KRT32: variants seen among roughly 807,000 people sequenced by gnomAD.
KRT32 encodes keratin 32.
A neutral mutation model predicts 41.8 loss-of-function variants in KRT32; 44 were observed. The ratio of observed to expected loss-of-function variants is 1.05; its 90% CI spans 0.83 to 1.35. KRT32 has a LOEUF of 1.35. Ranked by LOEUF, KRT32 falls within the 40% of genes most tolerant of loss-of-function variation. The pLI is 0.00. For missense variants in KRT32, 576 were observed against 584.6 expected (o/e 0.99, Z 0.15); for synonymous variants, 238 against 242.5 (o/e 0.98, Z 0.17).
Position 41,462,887 on chromosome 17 carries a change from G to A in KRT32, c.1160C>T (p.Ala387Val). 1 of 1,585,992 alleles carries A rather than the reference G, an allele frequency of 6.3e-7. No homozygotes were observed. Among genetic ancestry groups the A allele is most frequent in the Non-Finnish European group, 8.6e-7 (1 of 1,166,434 alleles). Residue 387 changes from alanine (A) to valine (V), a missense_variant, in exon 6 of 7, where the codon GCC (alanine) becomes GTC (valine). Coordinates refer to ENST00000225899, the MANE Select transcript of KRT32 (RefSeq NM_002278.3). ...CGTGTTGATCTCGCCCTCCAGCCGG[G>A]CCCGGACGTCCAGCAGCACCTGGTA... ...QEYQVLLDVR[A>V]RLEGEINTYR...
chr17:41,462,918 G>T lies in KRT32; in HGVS notation c.1129C>A (p.Gln377Lys). The T allele has an allele frequency of 6.2e-7, 1 of 1,614,080 alleles. No individual in the cohort carries two copies. The highest frequency in any genetic ancestry group is 8.5e-7 in the Non-Finnish European group (1 of 1,179,990). ...ACGTCCAGCAGCACCTGGTACTCCT[G>T]GTTCTGCCGCTCCAGGTCAGCCCGG... is the stretch of plus-strand genomic sequence containing the variant. ...EIRADLERQN[Q>K]EYQVLLDVRA... Residue 377 changes from glutamine (Q) to lysine (K), a missense_variant, in exon 6 of 7, where the codon CAG becomes AAG. Gln to Lys is a moderately conservative substitution (Grantham distance 53). Coordinates refer to ENST00000225899, the MANE Select transcript of KRT32 (RefSeq NM_002278.3).
rs538426527 is a variant in KRT32 at position 41,465,087 on chromosome 17, G to C, written c.709-644C>G. 3.7e-4 allele frequency among the ~76,000 whole-genome samples: 47 copies of C among 127,454 alleles called. No individual in the cohort carries two copies. The South Asian group carries it at 9.1e-3, about 25-fold the overall frequency. The allele number at this position is 127,454 out of a possible 152,430, so 83.6% of individuals were successfully genotyped here. A position where few individuals can be genotyped will look rare whatever the true frequency, so the allele number is the denominator to read the frequency against. On this transcript the variant is annotated intron_variant, in intron 3 of 6. Transcript: ENST00000225899. ...AAGAGGTTGAGAGTCAACCAGGGAG[G>C]GGGGAAAAACACCATGGCTCAGGTG...
chr17:41,464,595 T>C, intron 3 of KRT32, 152 bp from the exon 4 acceptor site: 1 of 638,650 alleles, frequency 1.6e-6, no homozygotes, highest in South Asian at 3.0e-5. Context: ...AGCATCCCAG[T>C]GCTCTTCAAA....
intron 6 of KRT32, among the ~76,000 whole-genome samples, chr17:41,461,496 G>A (rs1208555424): frequency 1.3e-5 from 2 of 152,166 alleles, no homozygotes; most frequent in African/African-American, 4.8e-5. Flanking sequence ...CATTTGCCTG[G>A]CACTATATAT....
In KRT32 at chr17:41,467,218, G is replaced by A. The variant is rs1479175926; in HGVS notation, c.108C>T (p.Cys36=). Residue 36 remains cysteine (C), a synonymous_variant, in exon 1 of 7, where the codon TGC becomes TGT. Coordinates refer to ENST00000225899, the MANE Select transcript of KRT32 (RefSeq NM_002278.3). ...CCATGGGCTGGCAGACATAGCCCAG[G>A]CACAGCTCAGGCCGGCAGTTCACGC... ...SSGVNCRPEL[C]LGYVCQPMAC... is the part of the protein sequence containing the mutation. The A allele has an allele frequency of 6.2e-7, 1 of 1,613,862 alleles. No individual in the cohort carries two copies. Among genetic ancestry groups the A allele is most frequent in the African/African-American group, 1.3e-5 (1 of 75,064 alleles).
In KRT32 at chr17:41,467,317, G is replaced by A. The variant is rs2019082582; in HGVS notation, c.9C>T (p.Ser3=). 6.2e-7 allele frequency: 1 copy of A among 1,606,380 alleles called. No individual in the cohort carries two copies. The highest frequency in any genetic ancestry group is 1.1e-5 in the South Asian group (1 of 90,654). Residue 3 remains serine, a synonymous_variant, in exon 1 of 7, where the codon TCC becomes TCT. Transcript: ENST00000225899. MT[S]SCCVTNNLQA... ...GCAAGTTGTTGGTGACACAGCAGGA[G>A]GATGTCATGTTGGAGAGGCCCTTTC... is the stretch of plus-strand genomic sequence containing the variant.
intron 5 of KRT32, 137 bp from the exon 6 acceptor site, chr17:41,463,187 GC>G (rs3216797): frequency 0.38 from 281,055 of 736,700 alleles, 55,023 homozygotes; most frequent in African/African-American, 0.42. Flanking sequence ...GGAAACGGAA[GC>G]CCAGAAAGGT....
At position 41,467,349 on chromosome 17, in the gene KRT32, G is replaced by T; in HGVS notation, c.-24C>A. ...ATGTTGGAGAGGCCCTTTCTCCTCA[G>T]CCACAGCTACCTGGATGTCTACAGA... On this transcript the variant is annotated 5_prime_UTR_variant, in exon 1 of 7. It adds an upstream start codon to the 5' untranslated region. Coordinates refer to ENST00000225899, the MANE Select transcript of KRT32 (RefSeq NM_002278.3). The T allele has an allele frequency of 6.4e-7, 1 of 1,555,680 alleles. No individual in the cohort carries two copies. The highest frequency in any genetic ancestry group is 8.8e-7 in the Non-Finnish European group (1 of 1,141,454).
rs1778888938 is a variant in KRT32, at chr17:41,462,876, C to A, written c.1171G>T (p.Gly391Cys). 2 of 1,563,600 alleles carry A rather than the reference C, an allele frequency of 1.3e-6. No individual in the cohort carries two copies. Among genetic ancestry groups the A allele is most frequent in the Non-Finnish European group, 1.7e-6 (2 of 1,154,168 alleles). Residue 391 changes from glycine (G) to cysteine (C), a missense_variant, in exon 6 of 7, where the codon GGC (glycine) becomes TGC (cysteine). Gly to Cys is a radical substitution (Grantham distance 159, BLOSUM62 -3). Transcript: ENST00000225899. ...VLLDVRARLEGEINTYRSLLE... is the reference protein window; with the variant it reads ...VLLDVRARLECEINTYRSLLE... The stretch of plus-strand genomic sequence containing the variant: ...AGGCTCCGGTACGTGTTGATCTCGC[C>A]CTCCAGCCGGGCCCGGACGTCCAGC...
chr17:41,464,452 G>T lies in KRT32; in HGVS notation c.709-9C>A. On this transcript the variant is annotated splice_polypyrimidine_tract_variant and intron_variant, in intron 3 of 6. Transcript: ENST00000225899. The stretch of plus-strand genomic sequence containing the variant: ...CGAAGGGAACCGACTTCCTGAAAAG[G>T]CACAAGACCTCCAGAAAAATGTGAC... 1 of 1,533,522 alleles carries T rather than the reference G, an allele frequency of 6.5e-7. No individual in the cohort carries two copies. The highest frequency in any genetic ancestry group is 8.8e-7 in the Non-Finnish European group (1 of 1,141,104). The allele number at this position is 1,533,522 out of a possible 1,614,324, so 95.0% of individuals were successfully genotyped here.
intron 6 of KRT32, among the ~76,000 whole-genome samples, chr17:41,461,769 T>G (rs1036909190): frequency 6.6e-6 from 1 of 152,242 alleles, no homozygotes; most frequent in East Asian, 1.9e-4. Context: ...ACACTTGCCC[T>G]GAAGTTATAG....
chr17:41,463,952 G>A (rs1332126382), intron 5 of KRT32, 126 bp downstream of exon 5: 12 of 995,948 alleles, frequency 1.2e-5, no homozygotes, highest in Non-Finnish European at 1.5e-5. Context: ...TCCGGGAAAA[G>A]TCAACAGGAT....
At chr17:41,463,191 A>G in intron 5 of KRT32, 141 bp from the exon 6 acceptor site, 1 of 702,980 alleles carries the variant, frequency 1.4e-6, no homozygotes, top group Non-Finnish European at 2.3e-6. Context: ...ACGGAAGCCC[A>G]GAAAGGTCAA....
chr17:41,460,151 C>T lies in KRT32; in HGVS notation c.1306G>A (p.Val436Ile). Residue 436 changes from valine to isoleucine, a missense_variant, in exon 7 of 7, where the codon GTT becomes ATT. Transcript: ENST00000225899. Reference sequence around the variant, plus strand: ...GGGCAGGGTGAGCAAGGCATGCCAACAGTGCGTGGCACACAGACGGTGCGG... The same window carrying T: ...GGGCAGGGTGAGCAAGGCATGCCAATAGTGCGTGGCACACAGACGGTGCGG... Reference protein sequence around the residue: ...VPRTVCVPRTVGMPCSPCPQG... With the variant: ...VPRTVCVPRTIGMPCSPCPQG... 1.9e-6 allele frequency: 3 copies of T among 1,613,414 alleles called. No individual in the cohort carries two copies. The highest frequency in any genetic ancestry group is 2.5e-6 in the Non-Finnish European group (3 of 1,179,664).
At chr17:41,463,944 C>T (rs914234210) in intron 5 of KRT32, 134 bp downstream of exon 5, 30 of 897,094 alleles carry the variant, frequency 3.3e-5, no homozygotes, top group African/African-American at 1.0e-4. Flanking sequence ...AACCTCCCTC[C>T]GGGAAAAGTC....
rs1480672754 is a variant in KRT32, at chr17:41,467,001, T to C, written c.325A>G (p.Ser109Gly). The C allele has an allele frequency of 6.2e-7, 1 of 1,614,146 alleles. No homozygotes were observed. Among genetic ancestry groups the C allele is most frequent in the African/African-American group, 1.3e-5 (1 of 74,960 alleles). ...TMQFLNDRLA[S>G]YLTRVRQLEQ... ...AGCTGCCGCACCCTCGTCAGGTAGC[T>C]GGCCAGGCGGTCGTTAAGGAACTGC... Residue 109 changes from serine (S) to glycine (G), a missense_variant, in exon 1 of 7, where the codon AGC becomes GGC. Physicochemically the swap from Ser to Gly is moderately conservative, Grantham distance 56. Transcript: ENST00000225899.
At position 41,460,641 on chromosome 17, in the gene KRT32, T is replaced by C. The variant is rs139486304; in HGVS notation, c.1218-402A>G. ...GCATGTTCTCACTCATAAGTGAGAG[T>C]TGAACAATGAGAACACATGGACACA... is the stretch of plus-strand genomic sequence containing the variant. On this transcript the variant is annotated intron_variant, in intron 6 of 6. Transcript: ENST00000225899. Among the ~76,000 whole-genome samples, 85 of 151,962 alleles carry C rather than the reference T, an allele frequency of 5.6e-4. 1 individual carries two copies. Among genetic ancestry groups the C allele is most frequent in the African/African-American group, 2.1e-3 (85 of 41,434 alleles).
intron 1 of KRT32, 138 bp downstream of exon 1, chr17:41,466,720 A>G: frequency 1.5e-6 from 1 of 649,326 alleles, no homozygotes; most frequent in Admixed American, 3.0e-5. Flanking sequence ...GAGTGCTCAA[A>G]TTATAAAATA....
intron 6 of KRT32, among the ~76,000 whole-genome samples, chr17:41,461,541 G>A (rs1003248072): frequency 2.2e-4 from 34 of 152,170 alleles, no homozygotes; most frequent in African/African-American, 7.7e-4. Context: ...TAAGAATCAG[G>A]AGAATTTAAC....
Sources: gnomAD v4.1 joint callset for allele counts (sites outside exome capture counted in the v4.1 genomes callset) on GRCh38, gnomAD v4.1.1 for gene constraint, MANE v1.5 for transcripts, NCBI Gene and HGNC (gene_info 2026-07-23, HGNC 2026-07-21) for gene names.